SMAD4: variants seen among roughly 807,000 people sequenced by gnomAD.
The protein encoded by SMAD4 is SMAD family member 4.
In SMAD4, 7 loss-of-function variants were observed where a neutral mutation model predicts 63.2. The ratio of observed to expected loss-of-function variants is 0.11; its 90% CI spans 0.06 to 0.21. The LOEUF (loss-of-function observed/expected upper bound fraction) is 0.21. Among genes scored for constraint, SMAD4 ranks in the 10% least tolerant of loss-of-function variants. The pLI, the probability that SMAD4 is intolerant of heterozygous loss-of-function variation, is 1.00. For missense variants in SMAD4, 312 were observed against 693.8 expected (o/e 0.45, Z 6.18); for synonymous variants, 215 against 235.4 (o/e 0.91, Z 0.79).
rs1390214288 is a variant in SMAD4 at position 51,083,911 on chromosome 18, A to G, written c.*5444A>G. On this transcript the variant is annotated 3_prime_UTR_variant, in exon 12 of 12. Transcript: ENST00000342988. Reference sequence around the variant, plus strand: ...TTTTATTACTGTTCTTTTATGGACAAAAGGTTACATAGTATGCCCTTAAGA... The same window carrying G: ...TTTTATTACTGTTCTTTTATGGACAGAAGGTTACATAGTATGCCCTTAAGA... 4.3e-6 allele frequency: 1 copy of G among 231,376 alleles called. No individual in the cohort carries two copies. The highest frequency in any genetic ancestry group is 2.2e-5 in the African/African-American group (1 of 45,210). 14.3% of individuals were successfully genotyped at this position (231,376 alleles called of 1,614,324 possible).
chr18:51,071,281 T>TAC (rs150437859), intron 10 of SMAD4, among the ~76,000 whole-genome samples: 77 of 149,760 alleles, frequency 5.1e-4, no homozygotes, highest in South Asian at 2.1e-3. Flanking sequence ...CACACACACA[T>TAC]ACACACACAC....
chr18:51,080,287 TTAAA>T lies in SMAD4; in HGVS notation c.*1824_*1827del, dbSNP rs1599207078. Reference sequence around the variant, plus strand: ...GATCCAAGCTACATGACTTTTGTCTTTAAATAACTTATCTACCACCTCATTTGTA... The same window carrying T: ...GATCCAAGCTACATGACTTTTGTCTTTAACTTATCTACCACCTCATTTGTA... On this transcript the variant is annotated 3_prime_UTR_variant, in exon 12 of 12. Coordinates refer to ENST00000342988, the MANE Select transcript of SMAD4 (RefSeq NM_005359.6). 4.3e-6 allele frequency: 1 copy of T among 232,224 alleles called. No individual in the cohort carries two copies. Among genetic ancestry groups the T allele is most frequent in the South Asian group, 1.8e-4 (1 of 5,524 alleles). The allele number at this position is 232,224 out of a possible 1,614,324, so 14.4% of individuals were successfully genotyped here.
At chr18:51,068,247 A>G (rs1910216864) in intron 10 of SMAD4, among the ~76,000 whole-genome samples, 2 of 152,246 alleles carry the variant, frequency 1.3e-5, no homozygotes, top group African/African-American at 2.4e-5. Flanking sequence ...CATGCCAAGT[A>G]TAGCGAAAAT....
intron 11 of SMAD4, chr18:51,077,161 T>C (rs1201685954): frequency 1.3e-5 from 2 of 156,570 alleles, no homozygotes; most frequent in Admixed American, 1.3e-4. Context: ...TGGACACTTT[T>C]CCAATTTTTT....
rs1334953004 is a variant in SMAD4 at position 51,084,041 on chromosome 18, CACAG to C, written c.*5575_*5578del. The C allele has an allele frequency of 3.1e-5, 7 of 223,828 alleles. No individual in the cohort carries two copies. The highest frequency in any genetic ancestry group is 6.4e-5 in the East Asian group (1 of 15,742). 13.9% of individuals were successfully genotyped at this position (223,828 alleles called of 1,614,324 possible). ...ACACACACACACACACACACACACACACAGGTCAGAGTTTAAGGCTTTCGAGTCA... is the reference window on the plus strand; with the variant it reads ...ACACACACACACACACACACACACACGTCAGAGTTTAAGGCTTTCGAGTCA... On this transcript the variant is annotated 3_prime_UTR_variant, in exon 12 of 12. Transcript: ENST00000342988.
At chr18:51,064,972 T>C (rs1356764884) in intron 8 of SMAD4, among the ~76,000 whole-genome samples, 1 of 152,214 alleles carries the variant, frequency 6.6e-6, no homozygotes, top group African/African-American at 2.4e-5. Context: ...CTGGAATACA[T>C]CTTAGGGTCA....
chr18:51,059,801 T>G, intron 7 of SMAD4, 65 bp from the exon 8 acceptor site: 1 of 1,192,318 alleles, frequency 8.4e-7, no homozygotes, highest in Non-Finnish European at 1.3e-6. Context: ...TAAGATTTAC[T>G]GAAAGTTTTA....
In SMAD4 at chr18:51,044,100, C is replaced by T. The variant is rs1054669161; in HGVS notation, c.-127-2820C>T. ...ATGTAATTTACAATTAAATTGTAAT[C>T]GTAATTGTTAAATTGTAATTTAACG... On this transcript the variant is annotated intron_variant, in intron 1 of 11. Transcript: ENST00000342988. 9.9e-5 allele frequency among the ~76,000 whole-genome samples: 15 copies of T among 152,268 alleles called. No individual in the cohort carries two copies. In the East Asian group the frequency reaches 2.3e-3, roughly 23 times the overall value.
intron 10 of SMAD4, among the ~76,000 whole-genome samples, chr18:51,070,901 G>A (rs937274909): frequency 9.2e-5 from 14 of 151,986 alleles, no homozygotes; most frequent in Admixed American, 6.6e-5. Context: ...TGTTAACATT[G>A]TTCTGTTTTA....
intron 1 of SMAD4, among the ~76,000 whole-genome samples, chr18:51,039,479 TCCCCCCCCCA>T (rs1267365553): frequency 2.2e-3 from 271 of 121,284 alleles, no homozygotes; most frequent in African/African-American, 8.4e-3. Context: ...AAGAGGGCCT[TCCCCCCCCCA>T]CCCCCCCACC....
Position 51,075,958 on chromosome 18 carries a change from C to CT in SMAD4, c.1309-672dup, listed in dbSNP as rs556905208. Among the ~76,000 whole-genome samples, 86 of 151,868 alleles carry CT rather than the reference C, an allele frequency of 5.7e-4. 1 individual carries two copies. Among genetic ancestry groups the CT allele is most frequent in the Admixed American group, 3.0e-3 (46 of 15,252 alleles). ...TCGGTGATGGGATTTAAAACTGGGCCTTTTTTTTCCTTAAAAATTATGAAC... is the reference window on the plus strand; with the variant it reads ...TCGGTGATGGGATTTAAAACTGGGCCTTTTTTTTTCCTTAAAAATTATGAAC... On this transcript the variant is annotated intron_variant, in intron 10 of 11. Coordinates refer to ENST00000342988, the MANE Select transcript of SMAD4 (RefSeq NM_005359.6).
intron 5 of SMAD4, among the ~76,000 whole-genome samples, chr18:51,056,107 A>G (rs1455288757): frequency 6.6e-6 from 1 of 152,206 alleles, no homozygotes; most frequent in East Asian, 1.9e-4. Flanking sequence ...CAGTTCCTTA[A>G]TCACTTGGTG....
At position 51,082,668 on chromosome 18, in the gene SMAD4, AAAAC is replaced by A. The variant is rs1910638222; in HGVS notation, c.*4203_*4206del. 4.3e-6 allele frequency: 1 copy of A among 231,284 alleles called. No homozygotes were observed. The highest frequency in any genetic ancestry group is 5.7e-5 in the Admixed American group (1 of 17,566). The allele number at this position is 231,284 out of a possible 1,614,324, so 14.3% of individuals were successfully genotyped here. On this transcript the variant is annotated 3_prime_UTR_variant, in exon 12 of 12. Coordinates refer to ENST00000342988, the MANE Select transcript of SMAD4 (RefSeq NM_005359.6). ...ATCTTTGTGGACTTCAGGGGCTTCT[AAAAC>A]AGACAGGACTGTGTTGCCTTTACTA...
chr18:51,047,497 A>G (rs1404367739), intron 2 of SMAD4, among the ~76,000 whole-genome samples: 2 of 152,268 alleles, frequency 1.3e-5, no homozygotes, highest in African/African-American at 4.8e-5. Context: ...TGTTCTACTC[A>G]GAAAAATGTT....
chr18:51,084,695 A>G lies in SMAD4; in HGVS notation c.*6228A>G, dbSNP rs1910706478. The G allele has an allele frequency of 4.3e-6, 1 of 231,706 alleles. No homozygotes were observed. The highest frequency in any genetic ancestry group is 1.8e-4 in the South Asian group (1 of 5,534). 14.4% of individuals were successfully genotyped at this position (231,706 alleles called of 1,614,324 possible). ...TTGAGTTCTGTTCAATGCATTGGAC[A>G]TGTGATTTAAGGGAAAAGTGTGAAT... On this transcript the variant is annotated 3_prime_UTR_variant, in exon 12 of 12. Coordinates refer to ENST00000342988, the MANE Select transcript of SMAD4 (RefSeq NM_005359.6).
chr18:51,056,294 A>T (rs538354805), intron 5 of SMAD4, among the ~76,000 whole-genome samples: 3 of 152,186 alleles, frequency 2.0e-5, no homozygotes, highest in Non-Finnish European at 2.9e-5. Flanking sequence ...TGCCTTTGTC[A>T]ATGCTTACTA....
rs1163015273 is a variant in SMAD4, at chr18:51,030,417, G to GC, written c.-328dup. Reference sequence around the variant, plus strand: ...GGGAGCCAGGCGCCCAGCGAGAGAGGCCCCCCGCCGCAGGGCGGCCCGGGA... The same window carrying GC: ...GGGAGCCAGGCGCCCAGCGAGAGAGGCCCCCCCGCCGCAGGGCGGCCCGGGA... On this transcript the variant is annotated 5_prime_UTR_variant, in exon 1 of 12. Coordinates refer to ENST00000342988, the MANE Select transcript of SMAD4 (RefSeq NM_005359.6). 1 of 151,158 alleles carries GC rather than the reference G, an allele frequency of 6.6e-6. No homozygotes were observed. The highest frequency in any genetic ancestry group is 3.4e-3 in the Middle Eastern group (1 of 294). 9.4% of individuals were successfully genotyped at this position (151,158 alleles called of 1,614,324 possible).
intron 10 of SMAD4, among the ~76,000 whole-genome samples, chr18:51,076,370 G>A (rs896316936): frequency 6.6e-6 from 1 of 152,096 alleles, no homozygotes; most frequent in African/African-American, 2.4e-5. Flanking sequence ...AGTAATAGCT[G>A]ACCCACTTCG....
At chr18:51,044,514 C>T (rs1568202219) in intron 1 of SMAD4, among the ~76,000 whole-genome samples, 1 of 152,144 alleles carries the variant, frequency 6.6e-6, no homozygotes, top group African/African-American at 2.4e-5. Context: ...AGTCTCAGCT[C>T]CCCGCGTAGC....
Sources: allele counts gnomAD v4.1 joint callset (sites outside exome capture counted in the v4.1 genomes callset), GRCh38; gene constraint gnomAD v4.1.1; transcripts MANE v1.5; gene names NCBI Gene and HGNC (gene_info 2026-07-23, HGNC 2026-07-21).